Variants in RASEF observed in about 807,000 individuals in gnomAD.
RASEF encodes RAS and EF-hand domain containing.
RASEF carries 68 observed loss-of-function variants against 90.1 expected under a neutral mutation model. The observed-to-expected ratio is 0.75, with a 90% CI of 0.62 to 0.92. The LOEUF (loss-of-function observed/expected upper bound fraction) is 0.92. Ranked by LOEUF, RASEF falls within the 40% of genes least tolerant of loss-of-function variation. RASEF has a pLI of 0.00. For synonymous variants in RASEF, 331 were observed against 345.2 expected, an observed-to-expected ratio of 0.96 and a Z score of 0.46; for missense variants, 949 against 937.2, an observed-to-expected ratio of 1.01 and a Z score of -0.16.
chr9:83,168,243 C>T, the RASEF span, among the ~76,000 whole-genome samples: 2 of 152,068 alleles, frequency 1.3e-5, no homozygotes, highest in African/African-American at 4.8e-5. Context: ...ATTTACATTA[C>T]TTTGATGTTT....
At position 82,982,794 on chromosome 9, in the gene RASEF, A is replaced by G. The variant is rs1462087492; in HGVS notation, c.2118-12T>C. ...TCTTTTTCACTTCTCTGAGACAGAG[A>G]TAGAGAGAGACAGAGAGAGAGAGAG... On this transcript the variant is annotated splice_polypyrimidine_tract_variant and intron_variant, in intron 16 of 16. Coordinates refer to ENST00000376447, the MANE Select transcript of RASEF (RefSeq NM_152573.4). The G allele has an allele frequency of 1.4e-6, 2 of 1,380,900 alleles. No homozygotes were observed. The highest frequency in any genetic ancestry group is 1.6e-5 in the African/African-American group (1 of 62,284). 85.5% of individuals were successfully genotyped at this position (1,380,900 alleles called of 1,614,324 possible). A position where few individuals can be genotyped will look rare whatever the true frequency, so the allele number is the denominator to read the frequency against.
the RASEF span, among the ~76,000 whole-genome samples, chr9:83,121,948 G>C: frequency 6.6e-6 from 1 of 152,138 alleles, no homozygotes; most frequent in South Asian, 2.1e-4. Flanking sequence ...GTAAAATGAG[G>C]AAAATAATAA....
At chr9:83,210,183 C>T in the RASEF span, among the ~76,000 whole-genome samples, 26 of 152,152 alleles carry the variant, frequency 1.7e-4, no homozygotes, top group African/African-American at 6.0e-4. Flanking sequence ...TTTTGCAATG[C>T]ATTCTGCAGA....
chr9:83,126,366 C>T, the RASEF span, among the ~76,000 whole-genome samples: 1 of 152,130 alleles, frequency 6.6e-6, no homozygotes, highest in Non-Finnish European at 1.5e-5. Context: ...TCATCTGGAA[C>T]CCTATCAGCT....
Position 82,988,027 on chromosome 9 carries a change from G to A in RASEF, c.2117+2364C>T, listed in dbSNP as rs11139888. Among the ~76,000 whole-genome samples the A allele has an allele frequency of 9.8e-5, 15 of 152,294 alleles. No individual in the cohort carries two copies. In the East Asian group the frequency reaches 2.5e-3, roughly 26 times the overall value. On this transcript the variant is annotated intron_variant, in intron 16 of 16. Coordinates refer to ENST00000376447, the MANE Select transcript of RASEF (RefSeq NM_152573.4). ...CTGACCAAGGCTAAGGCATACCAGG[G>A]ATGCTCCAAAGACCTGCAGATCCTT...
At chr9:83,022,053 AC>A (rs369284177) in intron 3 of RASEF, among the ~76,000 whole-genome samples, 39 of 151,986 alleles carry the variant, frequency 2.6e-4, no homozygotes, top group African/African-American at 9.4e-4. Flanking sequence ...GAGGCCTCTT[AC>A]CCCCAACCTA....
At chr9:83,022,522 A>T in intron 2 of RASEF, 96 bp from the exon 3 acceptor site, 2 of 848,702 alleles carry the variant, frequency 2.4e-6, no homozygotes. Flanking sequence ...CCTATATATT[A>T]CAGATGAAGA....
At chr9:83,119,648 G>A in the RASEF span, among the ~76,000 whole-genome samples, 1 of 152,106 alleles carries the variant, frequency 6.6e-6, no homozygotes. Flanking sequence ...ATATCTCTCA[G>A]TGCAGCCATG....
chr9:83,151,713 A>G, the RASEF span, among the ~76,000 whole-genome samples: 1 of 152,172 alleles, frequency 6.6e-6, no homozygotes, highest in African/African-American at 2.4e-5. Flanking sequence ...ATGCATTTTA[A>G]GAAGACATCA....
chr9:83,163,436 T>C, the RASEF span, among the ~76,000 whole-genome samples: 50 of 152,156 alleles, frequency 3.3e-4, no homozygotes, highest in Non-Finnish European at 6.5e-4. Flanking sequence ...ATTGGTAATA[T>C]AAAACAACAA....
At chr9:83,151,182 T>G in the RASEF span, among the ~76,000 whole-genome samples, 1 of 152,092 alleles carries the variant, frequency 6.6e-6, no homozygotes, top group Non-Finnish European at 1.5e-5. Context: ...AAAAACAGAC[T>G]GACTTTTAAT....
the RASEF span, among the ~76,000 whole-genome samples, chr9:83,074,030 A>C: frequency 6.6e-6 from 1 of 152,272 alleles, no homozygotes; most frequent in East Asian, 1.9e-4. Flanking sequence ...TCCTGGGCAT[A>C]TTTATGTATA....
chr9:82,992,941 A>C lies in RASEF; in HGVS notation c.2005T>G (p.Cys669Gly). The change falls in exon 15 of 17, where the codon TGT becomes GGT. Residue 669 changes from cysteine to glycine, a missense_variant. This residue lies in a region of RASEF where 288 missense variants were observed against 328.4 expected (regional missense o/e 0.88). Coordinates refer to ENST00000376447, the MANE Select transcript of RASEF (RefSeq NM_152573.4). ...TTCTCTCCAAAGTGCCCTGGGACAC[A>C]TTTTTGTCCCTCTGTAGCAGCAGTG... ...RDTAATEGQK[C>G]VPGHFGEKLA... 4 of 1,613,934 alleles carry C rather than the reference A, an allele frequency of 2.5e-6. No individual in the cohort carries two copies. The highest frequency in any genetic ancestry group is 3.4e-6 in the Non-Finnish European group (4 of 1,179,942).
At chr9:83,175,865 C>G in the RASEF span, among the ~76,000 whole-genome samples, 1 of 152,218 alleles carries the variant, frequency 6.6e-6, no homozygotes, top group South Asian at 2.1e-4. Context: ...AGGCGTGAGC[C>G]ACCACACCCG....
At chr9:82,994,374 C>T (rs984900399) in intron 14 of RASEF, among the ~76,000 whole-genome samples, 2 of 152,192 alleles carry the variant, frequency 1.3e-5, no homozygotes, top group African/African-American at 4.8e-5. Context: ...GTAAAGGGCA[C>T]CTCCTTCAAG....
the RASEF span, among the ~76,000 whole-genome samples, chr9:83,122,068 CTT>C: frequency 6.6e-6 from 1 of 152,080 alleles, no homozygotes; most frequent in East Asian, 1.9e-4. Flanking sequence ...TTTTTAAAAA[CTT>C]ATTATCAATT....
the RASEF span, among the ~76,000 whole-genome samples, chr9:83,147,832 G>T: frequency 3.3e-5 from 5 of 152,052 alleles, no homozygotes; most frequent in African/African-American, 1.2e-4. Context: ...CTGGAAAGGG[G>T]ATGGAGTGGG....
chr9:83,105,174 C>A, the RASEF span, among the ~76,000 whole-genome samples: 1 of 152,148 alleles, frequency 6.6e-6, no homozygotes, highest in Non-Finnish European at 1.5e-5. Context: ...CTCTTTCCAC[C>A]TCCTTTTGCT....
chr9:83,065,578 A>G (rs559299066), upstream of RASEF, among the ~76,000 whole-genome samples: 1 of 152,290 alleles, frequency 6.6e-6, no homozygotes, highest in East Asian at 1.9e-4. Context: ...CAGTGTGGGA[A>G]GGGACTACAA....
Sources: allele counts gnomAD v4.1 joint callset (sites outside exome capture counted in the v4.1 genomes callset), GRCh38; gene constraint gnomAD v4.1.1; regional missense constraint gnomAD v4.1.1; transcripts MANE v1.5; gene names NCBI Gene and HGNC (gene_info 2026-07-23, HGNC 2026-07-21).